The following PPME1 variants were observed in gnomAD, a reference collection of about 807,000 sequenced individuals.
PPME1 encodes the protein testicular secretory protein Li 39.
PPME1 carries 17 observed loss-of-function variants against 56.9 expected under a neutral mutation model. That is an observed-to-expected ratio of 0.30 (90% CI 0.20 to 0.45). The LOEUF (loss-of-function observed/expected upper bound fraction) is 0.45. Among genes scored for constraint, PPME1 ranks in the 20% least tolerant of loss-of-function variants. The pLI is 1.00. For missense variants in PPME1, 357 were observed against 483.2 expected, an observed-to-expected ratio of 0.74 and a Z score of 2.45; for synonymous variants, 122 against 156.2, an observed-to-expected ratio of 0.78 and a Z score of 1.63.
chr11:74,193,861 G>A (rs946355047), intron 1 of PPME1, among the ~76,000 whole-genome samples: 1 of 152,044 alleles, frequency 6.6e-6, no homozygotes, highest in African/African-American at 2.4e-5. Flanking sequence ...ATTTTATATT[G>A]TATTTGATAA....
chr11:74,183,430 G>A (rs1412059200), intron 1 of PPME1, among the ~76,000 whole-genome samples: 2 of 152,164 alleles, frequency 1.3e-5, no homozygotes, highest in South Asian at 2.1e-4. Context: ...ATTGGTCCAA[G>A]TGATTCAAAA....
chr11:74,193,755 A>G (rs1318877248), intron 1 of PPME1, among the ~76,000 whole-genome samples: 1 of 152,194 alleles, frequency 6.6e-6, no homozygotes, highest in Non-Finnish European at 1.5e-5. Context: ...AGCTGTGTCT[A>G]ATATGTTAAA....
intron 1 of PPME1, among the ~76,000 whole-genome samples, chr11:74,184,327 T>C (rs1042810884): frequency 3.3e-5 from 5 of 152,204 alleles, no homozygotes; most frequent in Admixed American, 3.3e-4. Context: ...TCATAAAAAA[T>C]GGCATTTTAG....
In PPME1 at chr11:74,171,482, G is replaced by A. The variant is rs765391880; in HGVS notation, c.61G>A (p.Gly21Ser). ...CCTTCCCTCTCGCCCACCTCTACCCGGCAGCGGGGGCAGTCAGAGCGGAGC... is the reference window on the plus strand; with the variant it reads ...CCTTCCCTCTCGCCCACCTCTACCCAGCAGCGGGGGCAGTCAGAGCGGAGC... ...GRLPSRPPLP[G>S]SGGSQSGAKM... Residue 21 changes from glycine (G) to serine (S), a missense_variant, in exon 1 of 14, where the codon GGC becomes AGC. This residue lies in a region of PPME1 where 175 missense variants were observed against 189.4 expected (regional missense o/e 0.92). Transcript: ENST00000328257. The A allele has an allele frequency of 2.5e-6, 4 of 1,613,398 alleles. No homozygotes were observed. Among genetic ancestry groups the A allele is most frequent in the Non-Finnish European group, 3.4e-6 (4 of 1,179,778 alleles).
chr11:74,177,443 T>C (rs1001229215), intron 1 of PPME1, among the ~76,000 whole-genome samples: 6 of 150,388 alleles, frequency 4.0e-5, no homozygotes, highest in Non-Finnish European at 7.4e-5. Context: ...AGTGAGACTT[T>C]GTCTCAAAAA....
chr11:74,200,864 T>G (rs1159512446), intron 1 of PPME1, among the ~76,000 whole-genome samples: 3 of 152,130 alleles, frequency 2.0e-5, no homozygotes, highest in African/African-American at 7.2e-5. Flanking sequence ...TTATTATTGT[T>G]TTTTGAGAGA....
chr11:74,193,887 T>C (rs747439120), intron 1 of PPME1, among the ~76,000 whole-genome samples: 1 of 152,236 alleles, frequency 6.6e-6, no homozygotes, highest in African/African-American at 2.4e-5. Context: ...TTATGTGAAC[T>C]CTTTACAGGT....
intron 13 of PPME1, chr11:74,251,978 C>T (rs919474692): frequency 1.1e-5 from 7 of 665,038 alleles, no homozygotes; most frequent in Non-Finnish European, 2.0e-5. Context: ...ATGTGCATTT[C>T]TTCTTGAGGT....
chr11:74,214,477 T>C (rs1242108495), intron 3 of PPME1, among the ~76,000 whole-genome samples: 1 of 152,082 alleles, frequency 6.6e-6, no homozygotes, highest in African/African-American at 2.4e-5. Flanking sequence ...AAGAAGGTTA[T>C]AGAACACCAA....
rs1859754161 is a variant in PPME1 at position 74,253,390 on chromosome 11, C to T, written c.1143-102C>T. On this transcript the variant is annotated intron_variant, in intron 13 of 13. Coordinates refer to ENST00000328257, the MANE Select transcript of PPME1 (RefSeq NM_016147.3). ...GTGAAATGGGTCAGATTTGCCAGGG[C>T]CTTGGTGGTCATTAGGGAGGGCTTC... 2.0e-5 allele frequency: 24 copies of T among 1,216,536 alleles called. No individual in the cohort carries two copies. The South Asian group carries it at 2.3e-4, about 12-fold the overall frequency. 75.4% of individuals were successfully genotyped at this position (1,216,536 alleles called of 1,614,324 possible). A position where few individuals can be genotyped will look rare whatever the true frequency, so the allele number is the denominator to read the frequency against.
Position 74,246,093 on chromosome 11 carries a change from A to G in PPME1, c.852A>G (p.Pro284=), listed in dbSNP as rs762347975. The change falls in exon 10 of 14, where the codon CCA becomes CCG. Residue 284 remains proline (P), a synonymous_variant. Coordinates refer to ENST00000328257, the MANE Select transcript of PPME1 (RefSeq NM_016147.3). Reference sequence around the variant, plus strand: ...TCCTCCAGACCAAGAAAGACCATCCATACACCTGGAGAATTGAACTGGCAA... The same window carrying G: ...TCCTCCAGACCAAGAAAGACCATCCGTACACCTGGAGAATTGAACTGGCAA... ...EDDMETKKDH[P]YTWRIELAKT... is the part of the protein sequence containing the mutation. The G allele has an allele frequency of 2.5e-6, 4 of 1,578,026 alleles. No individual in the cohort carries two copies. Among genetic ancestry groups the G allele is most frequent in the Non-Finnish European group, 3.4e-6 (4 of 1,160,790 alleles).
intron 1 of PPME1, among the ~76,000 whole-genome samples, chr11:74,177,815 A>T (rs77669119): frequency 6.6e-6 from 1 of 152,228 alleles, no homozygotes; most frequent in Non-Finnish European, 1.5e-5. Flanking sequence ...TTCAATTTGT[A>T]TGAATCCCTT....
intron 7 of PPME1, among the ~76,000 whole-genome samples, chr11:74,232,353 A>G (rs867297019): frequency 2.0e-5 from 3 of 152,374 alleles, no homozygotes; most frequent in Middle Eastern, 3.4e-3. Context: ...ACTGAATCAG[A>G]TATCAAGTGG....
intron 9 of PPME1, among the ~76,000 whole-genome samples, chr11:74,242,988 C>T (rs1859412077): frequency 6.6e-6 from 1 of 150,744 alleles, no homozygotes; most frequent in African/African-American, 2.4e-5. Context: ...TCAGTCAGAT[C>T]TGACTGACAC....
chr11:74,231,038 A>ATTTG (rs763167630), intron 7 of PPME1, 36 bp downstream of exon 7: 29 of 1,485,210 alleles, frequency 2.0e-5, no homozygotes, highest in Admixed American at 5.8e-5. Flanking sequence ...TATTTAATTA[A>ATTTG]TTTGTTTGTT....
At position 74,235,886 on chromosome 11, in the gene PPME1, T is replaced by C. The variant is rs2302509; in HGVS notation, c.645-15T>C. 0.015 allele frequency: 24,742 copies of C among 1,606,222 alleles called. 324 individuals carry two copies. The highest frequency in any genetic ancestry group is 0.066 in the East Asian group (2,968 of 44,704). ...TACTGAATAACCTTCTCTCTTCCTT[T>C]CTTTTCTTTCCCAGTGTGAAGAGTG... On this transcript the variant is annotated splice_polypyrimidine_tract_variant and intron_variant, in intron 7 of 13. Coordinates refer to ENST00000328257, the MANE Select transcript of PPME1 (RefSeq NM_016147.3).
intron 1 of PPME1, among the ~76,000 whole-genome samples, chr11:74,188,987 A>G (rs1352082762): frequency 1.3e-5 from 2 of 152,250 alleles, no homozygotes; most frequent in Admixed American, 6.5e-5. Flanking sequence ...TCAGGAAAGT[A>G]TAGCTTTTTT....
rs533932626 is a variant in PPME1 at position 74,229,050 on chromosome 11, T to C, written c.399-1195T>C. Among the ~76,000 whole-genome samples the C allele has an allele frequency of 7.2e-5, 11 of 152,280 alleles. No individual in the cohort carries two copies. In the South Asian group the frequency reaches 1.9e-3, roughly 26 times the overall value. On this transcript the variant is annotated intron_variant, in intron 5 of 13. Coordinates refer to ENST00000328257, the MANE Select transcript of PPME1 (RefSeq NM_016147.3). ...TACAAAGTTTGGTGGCCTCCCTATC[T>C]CCCATTCAGATTGTCTACAATTGCC...
chr11:74,222,471 G>A (rs1182474002), intron 4 of PPME1, 102 bp downstream of exon 4: 3 of 1,027,512 alleles, frequency 2.9e-6, no homozygotes, highest in Non-Finnish European at 1.5e-6. Flanking sequence ...AAAATAACCT[G>A]GTCTATTCCA....
Sources: allele counts gnomAD v4.1 joint callset (sites outside exome capture counted in the v4.1 genomes callset), GRCh38; gene constraint gnomAD v4.1.1; regional missense constraint gnomAD v4.1.1; transcripts MANE v1.5; gene names NCBI Gene and HGNC (gene_info 2026-07-23, HGNC 2026-07-21).